STAM2: variants seen among roughly 807,000 people sequenced by gnomAD.
STAM2 encodes the protein signal transducing adaptor molecule 2.
Under a neutral mutation model 65.6 loss-of-function variants are expected in STAM2, and 51 were observed. That is an observed-to-expected ratio of 0.78 (90% CI 0.62 to 0.98). STAM2 has a LOEUF of 0.98. STAM2 is among the 50% of genes least tolerant of loss of function. STAM2 has a pLI of 0.00. For missense variants in STAM2, 584 were observed against 617.8 expected (o/e 0.95, Z 0.58); for synonymous variants, 198 against 208.4 (o/e 0.95, Z 0.43).
intron 1 of STAM2, among the ~76,000 whole-genome samples, chr2:152,152,297 T>TC (rs1689460733): frequency 6.6e-6 from 1 of 151,600 alleles, no homozygotes; most frequent in African/African-American, 2.4e-5. Context: ...ACACCTGTAA[T>TC]CCAGCACTTT....
chr2:152,142,199 A>G (rs552047617), intron 7 of STAM2, among the ~76,000 whole-genome samples: 20 of 152,190 alleles, frequency 1.3e-4, no homozygotes, highest in Non-Finnish European at 2.2e-4. Flanking sequence ...AAATTCCATC[A>G]CATTCATGTT....
chr2:152,175,469 G>C, intron 1 of STAM2, 134 bp downstream of exon 1: 7 of 1,164,900 alleles, frequency 6.0e-6, no homozygotes, highest in Non-Finnish European at 7.5e-6. Flanking sequence ...CGTCGAAGGA[G>C]CGGGCGGCAC....
At chr2:152,126,413 T>TAC in intron 11 of STAM2, 34 bp from the exon 12 acceptor site, 1 of 1,322,182 alleles carries the variant, frequency 7.6e-7, no homozygotes, top group Non-Finnish European at 9.9e-7. Flanking sequence ...AATACTCTTC[T>TAC]AGTTTTTAGC....
intron 1 of STAM2, among the ~76,000 whole-genome samples, chr2:152,162,523 G>A (rs1292318544): frequency 6.6e-6 from 1 of 152,200 alleles, no homozygotes; most frequent in Non-Finnish European, 1.5e-5. Flanking sequence ...AGGTTACAGT[G>A]AGCTATGATT....
chr2:152,126,765 A>T (rs73000974), intron 11 of STAM2, among the ~76,000 whole-genome samples: 4,575 of 152,292 alleles, frequency 0.03, 220 homozygotes, highest in African/African-American at 0.11. Flanking sequence ...GAAAAAAATC[A>T]GACTGATTAC....
chr2:152,168,019 C>T lies in STAM2; in HGVS notation c.40+7584G>A, dbSNP rs1181950596. Among the ~76,000 whole-genome samples, 3 of 151,812 alleles carry T rather than the reference C, an allele frequency of 2.0e-5. No homozygotes were observed. The East Asian group carries it at 5.8e-4, about 29-fold the overall frequency. On this transcript the variant is annotated intron_variant, in intron 1 of 13. Transcript: ENST00000263904. Reference sequence around the variant, plus strand: ...GTCAGATTAAAGGACAATAGACAACCAAGGAGGAAAAAAATAACAAGAGAT... The same window carrying T: ...GTCAGATTAAAGGACAATAGACAACTAAGGAGGAAAAAAATAACAAGAGAT...
At chr2:152,168,439 T>C (rs1204473488) in intron 1 of STAM2, among the ~76,000 whole-genome samples, 1 of 152,134 alleles carries the variant, frequency 6.6e-6, no homozygotes, top group Non-Finnish European at 1.5e-5. Flanking sequence ...ATTATAGGCA[T>C]GAGCCACCGC....
At chr2:152,175,517 G>A (rs1579342935) in intron 1 of STAM2, 86 bp downstream of exon 1, 2 of 1,549,550 alleles carry the variant, frequency 1.3e-6, no homozygotes, top group East Asian at 2.3e-5. Context: ...CCTAGTCCCC[G>A]GAGTCGCTAC....
intron 1 of STAM2, among the ~76,000 whole-genome samples, chr2:152,168,302 A>T (rs1689832147): frequency 6.6e-6 from 1 of 152,082 alleles, no homozygotes. Context: ...CTGGGACTAC[A>T]GGCATGCACC....
chr2:152,117,089 C>T lies in STAM2; in HGVS notation c.*3485G>A, dbSNP rs1688761517. 1 of 152,254 alleles carries T rather than the reference C, an allele frequency of 6.6e-6. No homozygotes were observed. The highest frequency in any genetic ancestry group is 2.4e-5 in the African/African-American group (1 of 41,524). The allele number at this position is 152,254 out of a possible 1,614,324, so 9.4% of individuals were successfully genotyped here. On this transcript the variant is annotated 3_prime_UTR_variant, in exon 14 of 14. Transcript: ENST00000263904. ...GAGGGACACTATTCACTATATCACA[C>T]AAGCAACATAATGCCTCTTTTGACA... is the stretch of plus-strand genomic sequence containing the variant.
Position 152,166,683 on chromosome 2 carries a change from AG to A in STAM2, c.40+8919del, listed in dbSNP as rs376655457. On this transcript the variant is annotated intron_variant, in intron 1 of 13. Transcript: ENST00000263904. ...AGGTATTAATGTTTGAAAAAAAAAA[AG>A]TTCTTCCCCTTCAACCCTCCACCTC... Among the ~76,000 whole-genome samples, 14 of 152,256 alleles carry A rather than the reference AG, an allele frequency of 9.2e-5. No homozygotes were observed. In the East Asian group the frequency reaches 2.5e-3, roughly 27 times the overall value.
chr2:152,166,996 C>T (rs1158992546), intron 1 of STAM2, among the ~76,000 whole-genome samples: 9 of 152,194 alleles, frequency 5.9e-5, no homozygotes. Flanking sequence ...AACAATTTCA[C>T]TGAATAACAG....
rs1689312466 is a variant in STAM2, at chr2:152,144,966, G to A, written c.448-9C>T. On this transcript the variant is annotated splice_polypyrimidine_tract_variant and intron_variant, in intron 5 of 13. Coordinates refer to ENST00000263904, the MANE Select transcript of STAM2 (RefSeq NM_005843.6). The stretch of plus-strand genomic sequence containing the variant: ...GCAGCAGCTGAGACAGTCTGTAAAT[G>A]TATGAGTAAAATGAACACAACTATC... 1.2e-6 allele frequency: 2 copies of A among 1,607,566 alleles called. No homozygotes were observed. The highest frequency in any genetic ancestry group is 1.7e-6 in the Non-Finnish European group (2 of 1,174,190).
intron 1 of STAM2, among the ~76,000 whole-genome samples, chr2:152,159,626 A>G (rs1472033306): frequency 6.6e-6 from 1 of 151,948 alleles, no homozygotes; most frequent in Non-Finnish European, 1.5e-5. Flanking sequence ...CCGCATGGAG[A>G]GCTCACCCAC....
rs553407131 is a variant in STAM2, at chr2:152,160,157, G to A, written c.41-9928C>T. Among the ~76,000 whole-genome samples, 1,143 of 151,834 alleles carry A rather than the reference G, an allele frequency of 7.5e-3. 16 individuals carry two copies. The highest frequency in any genetic ancestry group is 0.025 in the African/African-American group (1,055 of 41,376). ...GCCTCTGCCCGGCCGCCACCCCGTC[G>A]GGGAAGTGAGGAGCGTCTCTGCCTG... On this transcript the variant is annotated intron_variant, in intron 1 of 13. Coordinates refer to ENST00000263904, the MANE Select transcript of STAM2 (RefSeq NM_005843.6).
At chr2:152,166,123 C>A (rs555977491) in intron 1 of STAM2, among the ~76,000 whole-genome samples, 1 of 152,150 alleles carries the variant, frequency 6.6e-6, no homozygotes, top group African/African-American at 2.4e-5. Context: ...GCAGTGAGCC[C>A]AGATCACGCC....
rs974286488 is a variant in STAM2 at position 152,147,274 on chromosome 2, A to G, written c.335T>C (p.Leu112Ser). The G allele has an allele frequency of 6.2e-7, 1 of 1,603,090 alleles. No individual in the cohort carries two copies. Among genetic ancestry groups the G allele is most frequent in the Non-Finnish European group, 8.5e-7 (1 of 1,176,208 alleles). Residue 112 changes from leucine (L) to serine (S), a missense_variant, in exon 5 of 14, where the codon TTA becomes TCA. Transcript: ENST00000263904. ...HPKVCEKLKS[L>S]MVEWSEEFQK... ...AAATTCTTCTGACCACTCCACCATT[A>G]AAGATTTCAGTTTTTCACATACTTT... is the stretch of plus-strand genomic sequence containing the variant.
chr2:152,124,954 T>C (rs10203589), intron 12 of STAM2, among the ~76,000 whole-genome samples: 7,689 of 152,282 alleles, frequency 0.05, 559 homozygotes, highest in African/African-American at 0.16. Flanking sequence ...TCAAATGCTC[T>C]TGAGTGAACA....
chr2:152,121,039 C>A (rs1390050609), intron 13 of STAM2, among the ~76,000 whole-genome samples: 1 of 152,088 alleles, frequency 6.6e-6, no homozygotes, highest in African/African-American at 2.4e-5. Context: ...TCATAGCTCA[C>A]TGCATTCTCA....
Sources: allele counts gnomAD v4.1 joint callset (sites outside exome capture counted in the v4.1 genomes callset), GRCh38; gene constraint gnomAD v4.1.1; transcripts MANE v1.5; gene names NCBI Gene and HGNC (gene_info 2026-07-23, HGNC 2026-07-21).